Variants in PAPPA2 observed in about 807,000 individuals in gnomAD.
PAPPA2 encodes pappalysin 2, also known as pappalysin-2.
PAPPA2 carries 86 observed loss-of-function variants against 176.4 expected under a neutral mutation model. The ratio of observed to expected loss-of-function variants is 0.49; its 90% CI spans 0.41 to 0.58. The LOEUF is 0.58. Among genes scored for constraint, PAPPA2 ranks in the 20% least tolerant of loss-of-function variants. The probability of loss-of-function intolerance (pLI) is 0.00; values close to 1 mark genes in which losing one functional copy is unlikely to be tolerated. For synonymous variants in PAPPA2, 809 were observed against 852.2 expected, an observed-to-expected ratio of 0.95 and a Z score of 0.88; for missense variants, 2,073 against 2,256.9, an observed-to-expected ratio of 0.92 and a Z score of 1.65.
Position 176,672,770 on chromosome 1 carries a change from G to A in PAPPA2, c.2137+1655G>A, listed in dbSNP as rs187904124. 2.8e-3 allele frequency among the ~76,000 whole-genome samples: 428 copies of A among 152,226 alleles called. 7 individuals are homozygous for A. The highest frequency in any genetic ancestry group is 0.026 in the Admixed American group (400 of 15,286). On this transcript the variant is annotated intron_variant, in intron 4 of 22. Coordinates refer to ENST00000367662, the MANE Select transcript of PAPPA2 (RefSeq NM_020318.3). ...GATCCAAATTAAATGCTTTGCCAGC[G>A]TGCATAGCTGGGTTTCATTGGCTCT...
At chr1:176,587,191 C>T (rs1233585350) in intron 2 of PAPPA2, among the ~76,000 whole-genome samples, 1 of 151,628 alleles carries the variant, frequency 6.6e-6, no homozygotes, top group Non-Finnish European at 1.5e-5. Flanking sequence ...GGATATTAGA[C>T]CTTTGTCAGA....
In PAPPA2 at chr1:176,622,069, A is replaced by G. The variant is rs1304409262; in HGVS notation, c.1991+26474A>G. Among the ~76,000 whole-genome samples, 3 of 152,210 alleles carry G rather than the reference A, an allele frequency of 2.0e-5. No individual in the cohort carries two copies. In the East Asian group the frequency reaches 5.8e-4, roughly 29 times the overall value. On this transcript the variant is annotated intron_variant, in intron 3 of 22. Coordinates refer to ENST00000367662, the MANE Select transcript of PAPPA2 (RefSeq NM_020318.3). The stretch of plus-strand genomic sequence containing the variant: ...CCAGAATGCTGAGAATTAGACCTGA[A>G]TTGGGAGTTGTTGCTTGCAGAGATC...
At chr1:176,746,675 T>C (rs911870891) in intron 14 of PAPPA2, among the ~76,000 whole-genome samples, 2 of 152,222 alleles carry the variant, frequency 1.3e-5, no homozygotes, top group African/African-American at 2.4e-5. Context: ...GTTTATTCAG[T>C]ATAAATACAC....
chr1:176,830,068 G>A (rs1667026563), intron 21 of PAPPA2, among the ~76,000 whole-genome samples: 1 of 152,148 alleles, frequency 6.6e-6, no homozygotes, highest in Non-Finnish European at 1.5e-5. Context: ...GGGAGGCAAA[G>A]GGACAAGATA....
At chr1:176,572,465 T>C (rs1051443670) in intron 2 of PAPPA2, among the ~76,000 whole-genome samples, 1 of 152,020 alleles carries the variant, frequency 6.6e-6, no homozygotes, top group Non-Finnish European at 1.5e-5. Context: ...TCTCAGACTC[T>C]CAAACCAGTG....
At chr1:176,791,576 C>A in intron 19 of PAPPA2, 94 bp downstream of exon 19, 2 of 1,414,426 alleles carry the variant, frequency 1.4e-6, no homozygotes, top group Middle Eastern at 1.9e-4. Context: ...TTTTGTCAGA[C>A]GGAGTCTTGC....
chr1:176,720,638 C>T (rs1445664519), intron 12 of PAPPA2, among the ~76,000 whole-genome samples: 1 of 152,028 alleles, frequency 6.6e-6, no homozygotes, highest in African/African-American at 2.4e-5. Context: ...GATGTATCTA[C>T]ATATAAATAG....
intron 2 of PAPPA2, among the ~76,000 whole-genome samples, chr1:176,582,178 C>T (rs1050988599): frequency 5.3e-5 from 8 of 152,084 alleles, no homozygotes; most frequent in Admixed American, 4.6e-4. Flanking sequence ...CCACCCGCCT[C>T]GGCCTCCCAA....
At chr1:176,601,480 T>G (rs1456601136) in intron 3 of PAPPA2, among the ~76,000 whole-genome samples, 1 of 152,156 alleles carries the variant, frequency 6.6e-6, no homozygotes, top group African/African-American at 2.4e-5. Flanking sequence ...GCAACCCAGA[T>G]GGGCCTATCA....
At chr1:176,568,787 C>A (rs928545817) in intron 2 of PAPPA2, among the ~76,000 whole-genome samples, 1 of 152,192 alleles carries the variant, frequency 6.6e-6, no homozygotes, top group African/African-American at 2.4e-5. Context: ...TCCCAATAAC[C>A]AAACTAAAGC....
intron 3 of PAPPA2, among the ~76,000 whole-genome samples, chr1:176,625,535 C>A (rs977577481): frequency 2.0e-5 from 3 of 152,170 alleles, no homozygotes; most frequent in South Asian, 2.1e-4. Context: ...GTTGCACTAT[C>A]TACCATTAGT....
intron 1 of PAPPA2, among the ~76,000 whole-genome samples, chr1:176,477,283 A>G (rs1244071684): frequency 6.6e-6 from 1 of 152,154 alleles, no homozygotes; most frequent in African/African-American, 2.4e-5. Context: ...TGAGGCTTAA[A>G]TTGTAAAACC....
intron 21 of PAPPA2, among the ~76,000 whole-genome samples, chr1:176,828,988 G>A (rs756466939): frequency 7.9e-5 from 12 of 151,846 alleles, no homozygotes; most frequent in Non-Finnish European, 1.2e-4. Flanking sequence ...GGGCAACAAC[G>A]CAAGACTCCA....
intron 21 of PAPPA2, among the ~76,000 whole-genome samples, chr1:176,821,669 G>A (rs1311170699): frequency 6.6e-6 from 1 of 152,160 alleles, no homozygotes; most frequent in African/African-American, 2.4e-5. Flanking sequence ...AAAAGGGTGA[G>A]TTAAGGCATG....
intron 1 of PAPPA2, among the ~76,000 whole-genome samples, chr1:176,496,139 C>A (rs548571727): frequency 3.3e-5 from 5 of 152,074 alleles, no homozygotes; most frequent in Non-Finnish European, 7.4e-5. Context: ...ATGTGCACAA[C>A]GTGCAGGTTT....
At chr1:176,623,557 C>G (rs1558478781) in intron 3 of PAPPA2, among the ~76,000 whole-genome samples, 1 of 137,506 alleles carries the variant, frequency 7.3e-6, no homozygotes, top group African/African-American at 2.8e-5. Flanking sequence ...CTGCATTTTC[C>G]CCTTCCTTCC....
At chr1:176,589,496 T>C (rs1653523408) in intron 2 of PAPPA2, among the ~76,000 whole-genome samples, 1 of 152,178 alleles carries the variant, frequency 6.6e-6, no homozygotes. Context: ...ATTTAGTAAA[T>C]ATATATGATG....
At chr1:176,516,051 C>T (rs1251777505) in intron 1 of PAPPA2, among the ~76,000 whole-genome samples, 1 of 152,130 alleles carries the variant, frequency 6.6e-6, no homozygotes, top group African/African-American at 2.4e-5. Context: ...TGCTTGGTGA[C>T]TTTCTCTAGT....
chr1:176,733,653 C>T (rs1049762972), intron 12 of PAPPA2, among the ~76,000 whole-genome samples: 1 of 152,124 alleles, frequency 6.6e-6, no homozygotes, highest in Non-Finnish European at 1.5e-5. Flanking sequence ...CCTTTCTTTG[C>T]TTATGCATTC....
Sources: allele counts gnomAD v4.1 joint callset (sites outside exome capture counted in the v4.1 genomes callset), GRCh38; gene constraint gnomAD v4.1.1; transcripts MANE v1.5; gene names NCBI Gene and HGNC (gene_info 2026-07-23, HGNC 2026-07-21).